Variants in WDHD1 observed in about 807,000 individuals in gnomAD.
WDHD1 encodes WD repeat and HMG-box DNA binding protein 1.
Under a neutral mutation model 135.4 loss-of-function variants are expected in WDHD1, and 111 were observed. The observed-to-expected ratio is 0.82, with a 90% CI of 0.70 to 0.96. The LOEUF (loss-of-function observed/expected upper bound fraction) is 0.96. WDHD1 is among the 40% of genes least tolerant of loss of function. WDHD1 has a pLI of 0.00. For missense variants in WDHD1, 1,351 were observed against 1,336.3 expected (o/e 1.01, Z -0.17); for synonymous variants, 434 against 439.0 (o/e 0.99, Z 0.14).
chr14:54,957,537 T>G, intron 22 of WDHD1, 55 bp downstream of exon 22: 3 of 1,425,200 alleles, frequency 2.1e-6, no homozygotes, highest in Non-Finnish European at 2.9e-6. Context: ...TTGGAAATAT[T>G]TCTTTGTATA....
chr14:54,963,190 G>C lies in WDHD1; in HGVS notation c.2311-18C>G, dbSNP rs769901415. 1.4e-4 allele frequency: 132 copies of C among 917,686 alleles called. 20 individuals are homozygous for C. Among genetic ancestry groups the C allele is most frequent in the African/African-American group, 3.9e-4 (22 of 55,764 alleles). 56.8% of individuals were successfully genotyped at this position (917,686 alleles called of 1,614,324 possible). ...CAAGAAAGCTAATCCAAAAAGGGGG[G>C]GGGGGGGGAGATCAAATAACATCAA... On this transcript the variant is annotated intron_variant, in intron 18 of 25. Transcript: ENST00000360586.
chr14:55,011,308 T>C (rs1481945718), intron 3 of WDHD1, among the ~76,000 whole-genome samples: 1 of 151,922 alleles, frequency 6.6e-6, no homozygotes, highest in Non-Finnish European at 1.5e-5. Flanking sequence ...GGCGGGTGGA[T>C]CACGTGAGGT....
Position 55,024,906 on chromosome 14 carries a change from A to G in WDHD1, c.77+1805T>C, listed in dbSNP as rs567896271. 1.1e-3 allele frequency among the ~76,000 whole-genome samples: 113 copies of G among 102,990 alleles called. 7 individuals are homozygous for G. Among genetic ancestry groups the G allele is most frequent in the African/African-American group, 3.2e-3 (112 of 34,830 alleles). The allele number at this position is 102,990 out of a possible 152,430, so 67.6% of individuals were successfully genotyped here. On this transcript the variant is annotated intron_variant, in intron 2 of 25. Coordinates refer to ENST00000360586, the MANE Select transcript of WDHD1 (RefSeq NM_007086.4). ...ATTGTCCAAGGTTTCTCCCCATGTG[A>G]TAGTCTGAAATATGGCCTCGTGGGA...
chr14:54,987,437 C>CACATAT, intron 13 of WDHD1, 50 bp from the exon 14 acceptor site: 2 of 1,350,052 alleles, frequency 1.5e-6, no homozygotes, highest in Middle Eastern at 4.2e-4. Flanking sequence ...ATGATATTTA[C>CACATAT]ATATATATAT....
chr14:55,003,751 A>AT (rs2042016519), intron 7 of WDHD1, among the ~76,000 whole-genome samples: 12 of 130,056 alleles, frequency 9.2e-5, no homozygotes, highest in Non-Finnish European at 1.8e-4. Context: ...TTCAGTAGAG[A>AT]CGGGGTCTTA....
intron 14 of WDHD1, among the ~76,000 whole-genome samples, chr14:54,986,900 G>GT (rs1424965938): frequency 1.3e-5 from 2 of 152,108 alleles, no homozygotes; most frequent in Admixed American, 6.6e-5. Context: ...TGCCAAAATG[G>GT]TAAGATTTAG....
chr14:54,957,002 C>A (rs1488121291), intron 23 of WDHD1, 32 bp downstream of exon 23: 2 of 1,602,116 alleles, frequency 1.2e-6, no homozygotes, highest in Admixed American at 3.4e-5. Context: ...TCCCATGCTG[C>A]TTACTGCAGA....
Position 54,998,849 on chromosome 14 carries a change from A to G in WDHD1, c.942+1654T>C, listed in dbSNP as rs1475097445. On this transcript the variant is annotated intron_variant, in intron 10 of 25. Transcript: ENST00000360586. ...TATTAAGATCATGTAAATGCTATTC[A>G]TGGCTGAATAATAAAAATAATAGCC... is the stretch of plus-strand genomic sequence containing the variant. Among the ~76,000 whole-genome samples the G allele has an allele frequency of 2.0e-5, 3 of 152,308 alleles. No individual in the cohort carries two copies. In the East Asian group the frequency reaches 5.8e-4, roughly 29 times the overall value.
chr14:54,957,505 C>T, intron 22 of WDHD1, 87 bp downstream of exon 22: 1 of 1,225,162 alleles, frequency 8.2e-7, no homozygotes, highest in South Asian at 1.5e-5. Context: ...GCCTCCAAGT[C>T]TGGGGAGAGT....
chr14:54,967,466 T>C, intron 16 of WDHD1, 72 bp from the exon 17 acceptor site: 1 of 1,077,458 alleles, frequency 9.3e-7, no homozygotes, highest in South Asian at 1.5e-5. Flanking sequence ...TTAAAAAGTT[T>C]TCAAAAGTTA....
At chr14:54,957,959 T>G (rs951395165) in intron 21 of WDHD1, among the ~76,000 whole-genome samples, 4 of 152,198 alleles carry the variant, frequency 2.6e-5, no homozygotes, top group Non-Finnish European at 4.4e-5. Flanking sequence ...CATGCCCTCC[T>G]GCTTTGTCAG....
intron 24 of WDHD1, among the ~76,000 whole-genome samples, chr14:54,950,418 G>C (rs917974480): frequency 6.6e-6 from 1 of 152,024 alleles, no homozygotes; most frequent in Non-Finnish European, 1.5e-5. Context: ...TAATGGTAAA[G>C]GGATCAATTC....
intron 3 of WDHD1, among the ~76,000 whole-genome samples, chr14:55,010,985 G>A (rs1017861874): frequency 6.6e-6 from 1 of 152,204 alleles, no homozygotes; most frequent in Non-Finnish European, 1.5e-5. Flanking sequence ...CCAGAACCCA[G>A]AAGACAGGAA....
At chr14:54,969,806 A>T (rs970056862) in intron 16 of WDHD1, among the ~76,000 whole-genome samples, 7 of 152,180 alleles carry the variant, frequency 4.6e-5, no homozygotes, top group African/African-American at 1.2e-4. Flanking sequence ...CCTCAACAAA[A>T]CACTAGCAAA....
intron 10 of WDHD1, among the ~76,000 whole-genome samples, chr14:54,998,787 T>A (rs2041930240): frequency 6.6e-6 from 1 of 152,152 alleles, no homozygotes; most frequent in Non-Finnish European, 1.5e-5. Context: ...GATAGATATA[T>A]CCTCCTTGTG....
intron 15 of WDHD1, among the ~76,000 whole-genome samples, chr14:54,982,990 C>A (rs1387440762): frequency 3.3e-5 from 5 of 151,978 alleles, no homozygotes; most frequent in Admixed American, 3.3e-4. Flanking sequence ...CATGACAAAA[C>A]CCCATCTCTA....
At chr14:55,015,514 T>C (rs754767711) in intron 2 of WDHD1, among the ~76,000 whole-genome samples, 70 of 151,834 alleles carry the variant, frequency 4.6e-4, no homozygotes, top group Non-Finnish European at 8.8e-4. Context: ...AAATGACTAG[T>C]GATAAGCTAT....
In WDHD1 at chr14:54,967,690, G is replaced by A. The variant is rs554848930; in HGVS notation, c.2064-296C>T. ...GGCTAAAGCACGGTGGTGTGATCAC[G>A]GCTCACTGAAGCCCCAACCTCCCAA... On this transcript the variant is annotated intron_variant, in intron 16 of 25. Coordinates refer to ENST00000360586, the MANE Select transcript of WDHD1 (RefSeq NM_007086.4). Among the ~76,000 whole-genome samples the A allele has an allele frequency of 1.5e-4, 23 of 152,020 alleles. No homozygotes were observed. In the South Asian group the frequency reaches 2.7e-3, roughly 18 times the overall value.
At chr14:54,984,897 G>C (rs1001371812) in intron 14 of WDHD1, 37 bp from the exon 15 acceptor site, 3 of 1,601,004 alleles carry the variant, frequency 1.9e-6, no homozygotes, top group East Asian at 2.3e-5. Flanking sequence ...AGGCATCAAA[G>C]GTTATCCAAC....
Sources: allele counts gnomAD v4.1 joint callset (sites outside exome capture counted in the v4.1 genomes callset), GRCh38; gene constraint gnomAD v4.1.1; transcripts MANE v1.5; gene names NCBI Gene and HGNC (gene_info 2026-07-23, HGNC 2026-07-21).